The following NRIP1 variants were observed in gnomAD, a reference collection of about 807,000 sequenced individuals.
The protein encoded by NRIP1 is nuclear receptor interacting protein 1.
A neutral mutation model predicts 75.0 loss-of-function variants in NRIP1; 28 were observed. The ratio of observed to expected loss-of-function variants is 0.37; its 90% CI spans 0.28 to 0.51. NRIP1 has a LOEUF of 0.51. Ranked by LOEUF, NRIP1 falls within the 20% of genes least tolerant of loss-of-function variation. The pLI is 0.92. For missense variants in NRIP1, 1,435 were observed against 1,343.7 expected, an observed-to-expected ratio of 1.07 and a Z score of -1.06; for synonymous variants, 526 against 487.6, an observed-to-expected ratio of 1.08 and a Z score of -1.04.
intron 3 of NRIP1, among the ~76,000 whole-genome samples, chr21:14,983,114 C>G (rs2087291315): frequency 6.6e-6 from 1 of 151,110 alleles, no homozygotes; most frequent in Non-Finnish European, 1.5e-5. Context: ...CACTTTAAAT[C>G]AAAAGCTAGA....
chr21:15,024,556 T>G (rs967451088), intron 2 of NRIP1, among the ~76,000 whole-genome samples: 2 of 145,422 alleles, frequency 1.4e-5, no homozygotes, highest in Non-Finnish European at 3.0e-5. Flanking sequence ...ACACAAAACT[T>G]TGGTATCCAG....
intron 1 of NRIP1, among the ~76,000 whole-genome samples, chr21:15,058,767 T>C (rs1185923171): frequency 6.6e-6 from 1 of 152,202 alleles, no homozygotes; most frequent in African/African-American, 2.4e-5. Flanking sequence ...GCACATGTTA[T>C]GAAGAGTATA....
At chr21:14,993,235 C>CAA (rs576010022) in intron 3 of NRIP1, among the ~76,000 whole-genome samples, 356 of 123,312 alleles carry the variant, frequency 2.9e-3, no homozygotes, top group African/African-American at 9.8e-3. Context: ...CAGTAATGAC[C>CAA]AAAAAAAAAA....
At chr21:15,028,317 T>C (rs1157450677) in intron 2 of NRIP1, among the ~76,000 whole-genome samples, 2 of 152,226 alleles carry the variant, frequency 1.3e-5, no homozygotes, top group African/African-American at 4.8e-5. Context: ...TATACTGTAC[T>C]GATTCTTTCT....
At chr21:14,985,725 C>G (rs1386427547) in intron 3 of NRIP1, among the ~76,000 whole-genome samples, 1 of 152,104 alleles carries the variant, frequency 6.6e-6, no homozygotes, top group Non-Finnish European at 1.5e-5. Flanking sequence ...TTAGTAAGAT[C>G]TGGTATGGAT....
At chr21:15,060,170 T>C (rs2089394329) in intron 1 of NRIP1, among the ~76,000 whole-genome samples, 1 of 152,178 alleles carries the variant, frequency 6.6e-6, no homozygotes, top group Admixed American at 6.5e-5. Context: ...TCTCAGTTTC[T>C]ATATTTATTG....
intron 1 of NRIP1, 110 bp from the exon 2 acceptor site, chr21:15,043,684 G>T (rs753527314): frequency 2.0e-5 from 3 of 152,086 alleles, no homozygotes; most frequent in Non-Finnish European, 4.4e-5. Flanking sequence ...CAACAAAAAA[G>T]ATGTATTACA....
intron 2 of NRIP1, among the ~76,000 whole-genome samples, chr21:15,028,662 T>C (rs1454498504): frequency 6.6e-6 from 1 of 152,186 alleles, no homozygotes; most frequent in Non-Finnish European, 1.5e-5. Flanking sequence ...AATACTCTTA[T>C]TTTAAAATTA....
rs1396543553 is a variant in NRIP1 at position 15,064,862 on chromosome 21, C to A, written c.-655G>T. 6.8e-6 allele frequency: 1 copy of A among 148,118 alleles called. No individual in the cohort carries two copies. Among genetic ancestry groups the A allele is most frequent in the Non-Finnish European group, 1.5e-5 (1 of 66,462 alleles). 9.2% of individuals were successfully genotyped at this position (148,118 alleles called of 1,614,324 possible). On this transcript the variant is annotated 5_prime_UTR_variant, in exon 1 of 4. Coordinates refer to ENST00000318948, the MANE Select transcript of NRIP1 (RefSeq NM_003489.4). The stretch of plus-strand genomic sequence containing the variant: ...TCTTCCCTCCGACCAGCGGCGCTCA[C>A]GGCGCAGCGGCGGACGCGAGGCCAC...
At chr21:14,981,245 CACTT>C (rs1220546259) in intron 3 of NRIP1, among the ~76,000 whole-genome samples, 4 of 152,210 alleles carry the variant, frequency 2.6e-5, no homozygotes, top group African/African-American at 7.2e-5. Flanking sequence ...ATCAGCAGGC[CACTT>C]ACTTACTTTA....
At chr21:15,036,392 C>T (rs1225837084) in intron 2 of NRIP1, among the ~76,000 whole-genome samples, 1 of 152,196 alleles carries the variant, frequency 6.6e-6, no homozygotes, top group African/African-American at 2.4e-5. Flanking sequence ...CTCCGTGTCA[C>T]CAACATCTCA....
upstream of NRIP1, chr21:15,065,043 C>A: frequency 6.5e-6 from 1 of 154,726 alleles, no homozygotes; most frequent in Non-Finnish European, 1.4e-5. Context: ...CCGCCCGCAG[C>A]CGCGCTCCTC....
At chr21:15,059,016 T>TA (rs2089366287) in intron 1 of NRIP1, among the ~76,000 whole-genome samples, 1 of 152,194 alleles carries the variant, frequency 6.6e-6, no homozygotes, top group Non-Finnish European at 1.5e-5. Context: ...ATTACAGGCC[T>TA]GAAAACAAGG....
chr21:15,007,163 G>C (rs1481629749), intron 3 of NRIP1, among the ~76,000 whole-genome samples: 1 of 152,184 alleles, frequency 6.6e-6, no homozygotes, highest in Non-Finnish European at 1.5e-5. Flanking sequence ...TATCTGGTGG[G>C]TTTCCTTACA....
At chr21:14,982,190 AG>A (rs1407951594) in intron 3 of NRIP1, among the ~76,000 whole-genome samples, 1 of 152,130 alleles carries the variant, frequency 6.6e-6, no homozygotes, top group African/African-American at 2.4e-5. Context: ...TCTTTACATC[AG>A]AATTTCCCAC....
intron 2 of NRIP1, among the ~76,000 whole-genome samples, chr21:15,040,055 A>G (rs984499774): frequency 8.5e-5 from 13 of 152,054 alleles, no homozygotes; most frequent in African/African-American, 2.9e-4. Context: ...TCTTTTAAAA[A>G]CCCAAAATGT....
intron 1 of NRIP1, chr21:15,051,042 C>T (rs1362577479): frequency 1.0e-5 from 4 of 387,952 alleles, no homozygotes; most frequent in African/African-American, 4.2e-5. Context: ...CTTGGTTACC[C>T]GCCCTGCCTT....
intron 2 of NRIP1, among the ~76,000 whole-genome samples, chr21:15,035,207 T>C (rs1331965763): frequency 1.3e-5 from 2 of 152,170 alleles, no homozygotes; most frequent in African/African-American, 2.4e-5. Context: ...AAGAGAAATA[T>C]ACCCTTTGTT....
At chr21:15,047,844 T>C (rs1156756814) in intron 1 of NRIP1, among the ~76,000 whole-genome samples, 1 of 152,254 alleles carries the variant, frequency 6.6e-6, no homozygotes, top group Non-Finnish European at 1.5e-5. Flanking sequence ...ACAAGAGGCC[T>C]AGCTTTCAGA....
Sources: allele counts gnomAD v4.1 joint callset (sites outside exome capture counted in the v4.1 genomes callset), GRCh38; gene constraint gnomAD v4.1.1; transcripts MANE v1.5; gene names NCBI Gene and HGNC (gene_info 2026-07-23, HGNC 2026-07-21).